Variants in AGBL4 observed in about 807,000 individuals in gnomAD.
AGBL4 encodes AGBL carboxypeptidase 4, also known as cytosolic carboxypeptidase 6.
In AGBL4, 58 loss-of-function variants were observed where a neutral mutation model predicts 66.4. The ratio of observed to expected loss-of-function variants is 0.87; its 90% CI spans 0.71 to 1.09. The LOEUF (loss-of-function observed/expected upper bound fraction) is 1.09. Ranked by LOEUF, AGBL4 falls within the 50% of genes least tolerant of loss-of-function variation. The pLI, the probability that AGBL4 is intolerant of heterozygous loss-of-function variation, is 0.00. For missense variants in AGBL4, 579 were observed against 631.0 expected (o/e 0.92, Z 0.88); for synonymous variants, 234 against 222.9 (o/e 1.05, Z -0.44).
intron 3 of AGBL4, among the ~76,000 whole-genome samples, chr1:49,507,975 A>G (rs1035964449): frequency 1.3e-5 from 2 of 151,936 alleles, no homozygotes; most frequent in Non-Finnish European, 2.9e-5. Context: ...GCAATCTCAC[A>G]TAATTGTTCA....
intron 6 of AGBL4, among the ~76,000 whole-genome samples, chr1:48,759,684 G>T (rs1644152317): frequency 6.6e-6 from 1 of 152,200 alleles, no homozygotes; most frequent in African/African-American, 2.4e-5. Flanking sequence ...GAATCAGGGA[G>T]AAATGAGGCC....
chr1:49,740,262 A>T (rs1013582503), intron 2 of AGBL4, among the ~76,000 whole-genome samples: 9 of 152,312 alleles, frequency 5.9e-5, no homozygotes, highest in African/African-American at 2.2e-4. Context: ...AGTCTCTGAT[A>T]AAACAGACTT....
At chr1:48,671,098 AG>A (rs1404359043) in intron 6 of AGBL4, among the ~76,000 whole-genome samples, 2 of 152,230 alleles carry the variant, frequency 1.3e-5, no homozygotes, top group African/African-American at 4.8e-5. Context: ...ACTGAGTGCA[AG>A]TCCCAGGGAG....
intron 4 of AGBL4, 83 bp from the exon 5 acceptor site, chr1:49,045,883 G>A (rs1376232841): frequency 7.1e-6 from 8 of 1,129,828 alleles, no homozygotes; most frequent in Non-Finnish European, 1.0e-5. Context: ...TCAATGCCTG[G>A]AGAAAAACTG....
Position 49,818,787 on chromosome 1 carries a change from C to T in AGBL4, c.157+32609G>A, listed in dbSNP as rs575168506. 6.6e-5 allele frequency among the ~76,000 whole-genome samples: 10 copies of T among 152,238 alleles called. No homozygotes were observed. The South Asian group carries it at 1.9e-3, about 28-fold the overall frequency. ...ATGATACAGAATGGGAAGAACAAGG[C>T]CCAGATGTAAGAGCGTGGAGCTTGT... On this transcript the variant is annotated intron_variant, in intron 2 of 13. Coordinates refer to ENST00000371839, the MANE Select transcript of AGBL4 (RefSeq NM_032785.4).
intron 3 of AGBL4, among the ~76,000 whole-genome samples, chr1:49,602,738 A>T (rs2124173322): frequency 6.6e-6 from 1 of 152,032 alleles, no homozygotes; most frequent in African/African-American, 2.4e-5. Flanking sequence ...AGAAATACCT[A>T]ATATAAATTT....
At chr1:49,481,121 T>C (rs1646948023) in intron 3 of AGBL4, among the ~76,000 whole-genome samples, 1 of 152,106 alleles carries the variant, frequency 6.6e-6, no homozygotes, top group African/African-American at 2.4e-5. Context: ...CGGGTTCTTT[T>C]CGGTTCCACA....
chr1:48,877,145 G>T (rs1416687261), intron 5 of AGBL4, among the ~76,000 whole-genome samples: 2 of 152,272 alleles, frequency 1.3e-5, no homozygotes, highest in East Asian at 3.9e-4. Context: ...CAGTAGGGTG[G>T]ACGAAGCAGA....
chr1:49,448,972 C>T (rs956772795), intron 3 of AGBL4, among the ~76,000 whole-genome samples: 3 of 151,798 alleles, frequency 2.0e-5, no homozygotes, highest in Admixed American at 6.6e-5. Context: ...AAACTGATAA[C>T]TATTTACAAT....
intron 3 of AGBL4, among the ~76,000 whole-genome samples, chr1:49,291,328 C>T (rs1644529380): frequency 6.6e-6 from 1 of 152,102 alleles, no homozygotes; most frequent in Admixed American, 6.5e-5. Flanking sequence ...TTTTATTAGG[C>T]CAGCATAACC....
chr1:49,731,620 A>G (rs1649457926), intron 2 of AGBL4, among the ~76,000 whole-genome samples: 1 of 152,182 alleles, frequency 6.6e-6, no homozygotes, highest in Non-Finnish European at 1.5e-5. Flanking sequence ...CAACAAAAGA[A>G]AGCAATCATT....
chr1:49,319,681 AC>A (rs1645098846), intron 3 of AGBL4, among the ~76,000 whole-genome samples: 1 of 152,158 alleles, frequency 6.6e-6, no homozygotes, highest in African/African-American at 2.4e-5. Flanking sequence ...CTATAAATAT[AC>A]CTGAGACTGA....
At chr1:49,710,153 A>T (rs926080462) in intron 2 of AGBL4, among the ~76,000 whole-genome samples, 2 of 152,136 alleles carry the variant, frequency 1.3e-5, no homozygotes, top group African/African-American at 4.8e-5. Flanking sequence ...ATGTTTATTG[A>T]GGCACTGTTC....
chr1:49,149,339 C>G (rs974928443), intron 4 of AGBL4, among the ~76,000 whole-genome samples: 5 of 152,144 alleles, frequency 3.3e-5, no homozygotes, highest in African/African-American at 1.2e-4. Context: ...GTCTCTTGGG[C>G]CATTAATGAG....
chr1:48,663,391 A>G (rs1646138376), intron 6 of AGBL4, 150 bp from the exon 7 acceptor site: 2 of 672,286 alleles, frequency 3.0e-6, no homozygotes, highest in Non-Finnish European at 5.2e-6. Flanking sequence ...AGGTCCAGCC[A>G]TTGCTGACTA....
intron 1 of AGBL4, among the ~76,000 whole-genome samples, chr1:49,887,833 T>C (rs72905718): frequency 0.017 from 2,629 of 152,220 alleles, 74 homozygotes; most frequent in African/African-American, 0.051. Context: ...ATCCCATTCT[T>C]AGGAATACAT....
chr1:49,537,401 G>A (rs1306450902), intron 3 of AGBL4, among the ~76,000 whole-genome samples: 2 of 152,136 alleles, frequency 1.3e-5, no homozygotes, highest in African/African-American at 2.4e-5. Context: ...TCTCACAGGG[G>A]ACTAATATCC....
chr1:48,972,644 A>AT (rs1247785761), intron 5 of AGBL4, among the ~76,000 whole-genome samples: 1 of 152,144 alleles, frequency 6.6e-6, no homozygotes, highest in African/African-American at 2.4e-5. Flanking sequence ...TTAAAAGACA[A>AT]TGTTGGCCTG....
At chr1:49,252,530 A>C (rs1652156808) in intron 3 of AGBL4, among the ~76,000 whole-genome samples, 1 of 152,186 alleles carries the variant, frequency 6.6e-6, no homozygotes, top group African/African-American at 2.4e-5. Context: ...ATCTAGAGAG[A>C]CCAACATTCA....
Sources: allele counts gnomAD v4.1 joint callset (sites outside exome capture counted in the v4.1 genomes callset), GRCh38; gene constraint gnomAD v4.1.1; transcripts MANE v1.5; gene names NCBI Gene and HGNC (gene_info 2026-07-23, HGNC 2026-07-21).